Variants in HECW2 observed in about 807,000 individuals in gnomAD.
The protein encoded by HECW2 is E3 ubiquitin-protein ligase HECW2.
A neutral mutation model predicts 175.2 loss-of-function variants in HECW2; 61 were observed. That is an observed-to-expected ratio of 0.35 (90% CI 0.28 to 0.43). The LOEUF is 0.43. Among genes scored for constraint, HECW2 ranks in the 20% least tolerant of loss-of-function variants. The pLI, the probability that HECW2 is intolerant of heterozygous loss-of-function variation, is 1.00. For synonymous variants in HECW2, 671 were observed against 731.0 expected (o/e 0.92, Z 1.32); for missense variants, 1,524 against 2,000.5 (o/e 0.76, Z 4.54).
intron 1 of HECW2, among the ~76,000 whole-genome samples, chr2:196,555,227 A>G (rs956498548): frequency 6.6e-6 from 1 of 152,284 alleles, no homozygotes; most frequent in African/African-American, 2.4e-5. Flanking sequence ...ATCATTATGG[A>G]GGCGGGGAGG....
intron 2 of HECW2, among the ~76,000 whole-genome samples, chr2:196,395,081 C>G (rs1420995023): frequency 6.6e-6 from 1 of 152,062 alleles, no homozygotes; most frequent in Non-Finnish European, 1.5e-5. Flanking sequence ...CCCTCATGAC[C>G]TCATCACCTC....
chr2:196,404,392 G>T (rs1489824752), intron 2 of HECW2, among the ~76,000 whole-genome samples: 1 of 152,144 alleles, frequency 6.6e-6, no homozygotes, highest in African/African-American at 2.4e-5. Flanking sequence ...TCTAGGAGAA[G>T]AAAATGATGT....
intron 1 of HECW2, among the ~76,000 whole-genome samples, chr2:196,467,342 A>C (rs1370339860): frequency 6.6e-6 from 1 of 152,156 alleles, no homozygotes; most frequent in Non-Finnish European, 1.5e-5. Context: ...CAGAATCTGG[A>C]ATCAAACTGC....
intron 17 of HECW2, among the ~76,000 whole-genome samples, chr2:196,259,438 A>G (rs999298205): frequency 6.6e-6 from 1 of 152,252 alleles, no homozygotes; most frequent in African/African-American, 2.4e-5. Context: ...CTTATGAGGT[A>G]TGACAAACAG....
In HECW2 at chr2:196,345,869, GAGA is replaced by G. The variant is rs1418422624; in HGVS notation, c.293-2108_293-2106del. ...ATTAGCAGAGCTGCTTGGATGCTGG[GAGA>G]AGAACTCTCCTATTTTCACAAATAA... On this transcript the variant is annotated intron_variant, in intron 2 of 28. Transcript: ENST00000644978. Among the ~76,000 whole-genome samples, 31 of 152,174 alleles carry G rather than the reference GAGA, an allele frequency of 2.0e-4. 1 individual carries two copies. The highest frequency in any genetic ancestry group is 1.6e-3 in the Admixed American group (24 of 15,282).
rs936160470 is a variant in HECW2, at chr2:196,580,612, C to A, written c.-36+12896G>T. Among the ~76,000 whole-genome samples, 14 of 146,014 alleles carry A rather than the reference C, an allele frequency of 9.6e-5. No individual in the cohort carries two copies. In the South Asian group the frequency reaches 1.3e-3, roughly 14 times the overall value. On this transcript the variant is annotated intron_variant, in intron 1 of 28. Transcript: ENST00000644978. The stretch of plus-strand genomic sequence containing the variant: ...TCATTAGTCATCATGGAAATACAAA[C>A]GAAAACCTTAATGAAACACAACTTC...
intron 1 of HECW2, among the ~76,000 whole-genome samples, chr2:196,544,126 A>G (rs1006487873): frequency 1.3e-5 from 2 of 152,206 alleles, no homozygotes; most frequent in Non-Finnish European, 2.9e-5. Flanking sequence ...TACTGCCAGC[A>G]TTAAGGACAG....
At chr2:196,365,498 T>A (rs926803833) in intron 2 of HECW2, among the ~76,000 whole-genome samples, 7 of 152,204 alleles carry the variant, frequency 4.6e-5, no homozygotes, top group African/African-American at 1.7e-4. Context: ...GACTTTTTCT[T>A]CGAACCCTGT....
Position 196,201,212 on chromosome 2 carries a change from A to G in HECW2, c.*65T>C. The G allele has an allele frequency of 2.9e-6, 3 of 1,029,422 alleles. No homozygotes were observed. Among genetic ancestry groups the G allele is most frequent in the Admixed American group, 1.7e-5 (1 of 58,744 alleles). 63.8% of individuals were successfully genotyped at this position (1,029,422 alleles called of 1,614,324 possible). A position where few individuals can be genotyped will look rare whatever the true frequency, so the allele number is the denominator to read the frequency against. On this transcript the variant is annotated 3_prime_UTR_variant, in exon 29 of 29. Coordinates refer to ENST00000644978, the MANE Select transcript of HECW2 (RefSeq NM_001348768.2). ...ATCCTCTTGAAACTTCCAATGTTCAATCATTCTTCTAGAAGGCAGCTTCTG... is the reference window on the plus strand; with the variant it reads ...ATCCTCTTGAAACTTCCAATGTTCAGTCATTCTTCTAGAAGGCAGCTTCTG...
chr2:196,235,166 C>G (rs1045479557), intron 21 of HECW2, among the ~76,000 whole-genome samples: 3 of 148,864 alleles, frequency 2.0e-5, no homozygotes, highest in Non-Finnish European at 3.0e-5. Context: ...GGTGTGATCT[C>G]AGCTCACTGC....
chr2:196,354,760 A>G (rs1340669009), intron 2 of HECW2, among the ~76,000 whole-genome samples: 1 of 152,076 alleles, frequency 6.6e-6, no homozygotes, highest in Non-Finnish European at 1.5e-5. Context: ...CTGGATCTTT[A>G]TAATAAGAAT....
intron 2 of HECW2, among the ~76,000 whole-genome samples, chr2:196,347,632 G>C (rs1339166735): frequency 6.6e-6 from 1 of 152,136 alleles, no homozygotes; most frequent in Non-Finnish European, 1.5e-5. Context: ...ACAAAAAATG[G>C]GTCAGAAGCA....
At position 196,383,155 on chromosome 2, in the gene HECW2, G is replaced by C. The variant is rs1266468638; in HGVS notation, c.293-39391C>G. ...TTGACCAGGCCACCTGGATGGAAGT[G>C]ATGAAGAAAAATGCAAGCATAAGTC... On this transcript the variant is annotated intron_variant, in intron 2 of 28. Transcript: ENST00000644978. Among the ~76,000 whole-genome samples the C allele has an allele frequency of 3.9e-5, 6 of 152,158 alleles. 1 individual carries two copies. The highest frequency in any genetic ancestry group is 3.9e-4 in the Admixed American group (6 of 15,282).
intron 22 of HECW2, among the ~76,000 whole-genome samples, chr2:196,227,897 C>T (rs926932100): frequency 1.3e-5 from 2 of 152,174 alleles, no homozygotes; most frequent in African/African-American, 4.8e-5. Context: ...GATCAATTCC[C>T]AGCTATCAAC....
At chr2:196,472,902 G>A (rs762918716) in intron 1 of HECW2, among the ~76,000 whole-genome samples, 49 of 152,300 alleles carry the variant, frequency 3.2e-4, no homozygotes, top group South Asian at 1.0e-3. Context: ...ATTCCGGGCC[G>A]GAGCCACCGC....
chr2:196,539,442 C>G (rs1297907418), intron 1 of HECW2, among the ~76,000 whole-genome samples: 1 of 152,104 alleles, frequency 6.6e-6, no homozygotes, highest in Admixed American at 6.6e-5. Context: ...ACCATCCTGG[C>G]TAACATGGTG....
chr2:196,362,967 A>C (rs1192863785), intron 2 of HECW2, among the ~76,000 whole-genome samples: 1 of 152,192 alleles, frequency 6.6e-6, no homozygotes, highest in South Asian at 2.1e-4. Context: ...AACTAGATTT[A>C]AGCTTCACAC....
intron 5 of HECW2, 81 bp from the exon 6 acceptor site, chr2:196,325,230 C>T: frequency 2.0e-6 from 2 of 1,024,794 alleles, no homozygotes; most frequent in South Asian, 3.3e-5. Flanking sequence ...AGGGAGAGAA[C>T]AAGGGACAGA....
chr2:196,557,503 T>G (rs1689842951), intron 1 of HECW2, among the ~76,000 whole-genome samples: 1 of 152,212 alleles, frequency 6.6e-6, no homozygotes, highest in Non-Finnish European at 1.5e-5. Context: ...AAGACAGTTT[T>G]GCAATGTGCA....
Sources: allele counts gnomAD v4.1 joint callset (sites outside exome capture counted in the v4.1 genomes callset), GRCh38; gene constraint gnomAD v4.1.1; transcripts MANE v1.5; gene names NCBI Gene and HGNC (gene_info 2026-07-23, HGNC 2026-07-21).